Variants in SHF observed in about 807,000 individuals in gnomAD.
SHF encodes SH2 domain-containing adapter protein F.
A neutral mutation model predicts 42.4 loss-of-function variants in SHF; 30 were observed. That is an observed-to-expected ratio of 0.71 (90% CI 0.53 to 0.96). The LOEUF is 0.96. Among genes scored for constraint, SHF ranks in the 40% least tolerant of loss-of-function variants. The probability of loss-of-function intolerance (pLI) is 0.00; values close to 1 mark genes in which losing one functional copy is unlikely to be tolerated. For synonymous variants in SHF, 264 were observed against 269.9 expected (o/e 0.98, Z 0.21); for missense variants, 598 against 634.0 (o/e 0.94, Z 0.61).
At chr15:45,183,662 C>A (rs1809359561) in intron 1 of SHF, among the ~76,000 whole-genome samples, 2 of 152,260 alleles carry the variant, frequency 1.3e-5, no homozygotes, top group Non-Finnish European at 2.9e-5. Context: ...CCAGTAGCTC[C>A]CACCCATGGT....
chr15:45,187,043 G>A (rs1018953601), intron 1 of SHF, among the ~76,000 whole-genome samples: 1 of 152,252 alleles, frequency 6.6e-6, no homozygotes, highest in Non-Finnish European at 1.5e-5. Flanking sequence ...TGCCCAGGGG[G>A]AAGGGTCAGA....
chr15:45,184,998 C>T (rs931750842), intron 1 of SHF, among the ~76,000 whole-genome samples: 4 of 152,252 alleles, frequency 2.6e-5, no homozygotes, highest in African/African-American at 7.2e-5. Context: ...CTGGGCCTCT[C>T]GGTACTGTCG....
chr15:45,168,237 G>C (rs571409863), intron 6 of SHF, 104 bp from the exon 7 acceptor site: 1 of 1,138,148 alleles, frequency 8.8e-7, no homozygotes, highest in South Asian at 1.8e-5. Flanking sequence ...TGGTGGTTCC[G>C]AAGCCAGCTG....
intron 2 of SHF, among the ~76,000 whole-genome samples, chr15:45,196,676 A>T (rs2467839): frequency 0.98 from 149,192 of 152,092 alleles, 73,260 homozygotes; most frequent in Non-Finnish European, 1. Flanking sequence ...GGCGGGCAGA[A>T]CACGAGGTCA....
chr15:45,175,098 A>G (rs1229893546), intron 3 of SHF, 121 bp downstream of exon 3: 6 of 1,113,864 alleles, frequency 5.4e-6, no homozygotes, highest in African/African-American at 1.6e-5. Flanking sequence ...ACTCAACTAC[A>G]TTTCCCTGGA....
In SHF at chr15:45,167,823, C is replaced by T; in HGVS notation, c.*124G>A. ...TTAGAATAAATTAAGGAATCTCCAG[C>T]TTCTACTGGATCCCAGGAGAAGAAA... On this transcript the variant is annotated 3_prime_UTR_variant, in exon 7 of 7. Transcript: ENST00000690270. 1 of 948,316 alleles carries T rather than the reference C, an allele frequency of 1.1e-6. No homozygotes were observed. The highest frequency in any genetic ancestry group is 1.5e-6 in the Non-Finnish European group (1 of 684,666). The allele number at this position is 948,316 out of a possible 1,614,324, so 58.7% of individuals were successfully genotyped here. A position where few individuals can be genotyped will look rare whatever the true frequency, so the allele number is the denominator to read the frequency against.
At chr15:45,169,654 T>C (rs1257791451) in intron 6 of SHF, among the ~76,000 whole-genome samples, 1 of 152,204 alleles carries the variant, frequency 6.6e-6, no homozygotes, top group Admixed American at 6.5e-5. Context: ...ACCTGGGGAA[T>C]TGTCTCTCCT....
At chr15:45,190,131 T>C (rs1490539277), upstream of SHF, among the ~76,000 whole-genome samples, 1 of 152,192 alleles carries the variant, frequency 6.6e-6, no homozygotes, top group Non-Finnish European at 1.5e-5. Flanking sequence ...TCCCAGGTGA[T>C]ACAGATACTG....
In SHF at chr15:45,187,640, G is replaced by A; in HGVS notation, c.312C>T (p.Asp104=). 1.6e-6 allele frequency: 2 copies of A among 1,229,166 alleles called. No homozygotes were observed. Among genetic ancestry groups the A allele is most frequent in the South Asian group, 8.2e-5 (2 of 24,274 alleles). The allele number at this position is 1,229,166 out of a possible 1,614,324, so 76.1% of individuals were successfully genotyped here. A position where few individuals can be genotyped will look rare whatever the true frequency, so the allele number is the denominator to read the frequency against. ...LAAYRLQRER[D]FEDPYSGGSS... is the part of the protein sequence containing the mutation. Reference sequence around the variant, plus strand: ...ACCCCCCGGAGTAGGGGTCTTCGAAGTCGCGCTCCCGCTGCAGCCTGTAGG... The same window carrying A: ...ACCCCCCGGAGTAGGGGTCTTCGAAATCGCGCTCCCGCTGCAGCCTGTAGG... Residue 104 remains aspartate (D), a synonymous_variant, in exon 1 of 7, where the codon GAC becomes GAT. Coordinates refer to ENST00000690270, the MANE Select transcript of SHF (RefSeq NM_001394037.1).
At chr15:45,187,992 G>A (rs897263957), upstream of SHF, 2 of 838,796 alleles carry the variant, frequency 2.4e-6, no homozygotes, top group African/African-American at 1.8e-5. Context: ...AGCGGCGGGT[G>A]GGGGGCGGGG....
intron 6 of SHF, chr15:45,170,395 C>G (rs1442952308): frequency 3.1e-6 from 4 of 1,288,442 alleles, no homozygotes; most frequent in Non-Finnish European, 4.0e-6. Flanking sequence ...ATACACATTT[C>G]TGAGGTTATG....
At chr15:45,187,170 G>A (rs1319745945) in intron 1 of SHF, among the ~76,000 whole-genome samples, 6 of 152,214 alleles carry the variant, frequency 3.9e-5, no homozygotes, top group Non-Finnish European at 7.3e-5. Context: ...GGCTAGAGGG[G>A]GCTACGAAGT....
intron 1 of SHF, among the ~76,000 whole-genome samples, chr15:45,180,188 C>G (rs906777268): frequency 6.6e-6 from 1 of 152,192 alleles, no homozygotes; most frequent in Admixed American, 6.5e-5. Flanking sequence ...CCAGTAAGCA[C>G]CTGGCATACA....
At position 45,171,855 on chromosome 15, in the gene SHF, C is replaced by T. The variant is rs77793984; in HGVS notation, c.1280+28G>A. 6,582 of 1,606,642 alleles carry T rather than the reference C, an allele frequency of 4.1e-3. 21 individuals carry two copies. The highest frequency in any genetic ancestry group is 5.1e-3 in the Non-Finnish European group (6,026 of 1,175,758). On this transcript the variant is annotated intron_variant, in intron 6 of 6. Transcript: ENST00000690270. ...AGTCCCCTTCCACCCTGCTTGCTGTCCCTGAAACCACAACTGTCCCCACTC... is the reference window on the plus strand; with the variant it reads ...AGTCCCCTTCCACCCTGCTTGCTGTTCCTGAAACCACAACTGTCCCCACTC...
At chr15:45,197,450 A>G (rs1898901517) in intron 2 of SHF, among the ~76,000 whole-genome samples, 1 of 152,188 alleles carries the variant, frequency 6.6e-6, no homozygotes, top group Non-Finnish European at 1.5e-5. Context: ...GAGCCTGATA[A>G]TAAGAGAAGG....
At chr15:45,200,390 T>C (rs1313061386) in intron 1 of SHF, 2 of 215,556 alleles carry the variant, frequency 9.3e-6, no homozygotes, top group Non-Finnish European at 2.0e-5. Flanking sequence ...CAAACTCCCC[T>C]TGCCGTGCCA....
chr15:45,172,570 A>G (rs1648290), intron 4 of SHF, among the ~76,000 whole-genome samples: 137,127 of 152,144 alleles, frequency 0.9, 63,143 homozygotes, highest in Non-Finnish European at 1. Context: ...GGGAGGAGAG[A>G]GCAGAGGAGC....
chr15:45,176,280 G>T (rs1897804280), intron 2 of SHF, among the ~76,000 whole-genome samples: 1 of 151,314 alleles, frequency 6.6e-6, no homozygotes, highest in African/African-American at 2.4e-5. Flanking sequence ...CTTCTCTAAA[G>T]CTAATTGGTT....
At chr15:45,182,379 C>T (rs1314565339) in intron 1 of SHF, among the ~76,000 whole-genome samples, 1 of 152,172 alleles carries the variant, frequency 6.6e-6, no homozygotes, top group African/African-American at 2.4e-5. Flanking sequence ...TAATAGTACC[C>T]ATATCATAGG....
Sources: allele counts gnomAD v4.1 joint callset (sites outside exome capture counted in the v4.1 genomes callset), GRCh38; gene constraint gnomAD v4.1.1; transcripts MANE v1.5; gene names NCBI Gene and HGNC (gene_info 2026-07-23, HGNC 2026-07-21).